Variants in UNC13C observed in about 807,000 individuals in gnomAD.
UNC13C encodes unc-13 homolog C.
UNC13C carries 174 observed loss-of-function variants against 245.4 expected under a neutral mutation model. That is an observed-to-expected ratio of 0.71 (90% CI 0.63 to 0.80). The LOEUF (loss-of-function observed/expected upper bound fraction) is 0.80, where lower values mean the gene tolerates loss of function less well. UNC13C is among the 30% of genes least tolerant of loss of function. The probability of loss-of-function intolerance (pLI) is 0.00; values close to 1 mark genes in which losing one functional copy is unlikely to be tolerated. For synonymous variants in UNC13C, 992 were observed against 895.1 expected (o/e 1.11, Z -1.93); for missense variants, 2,829 against 2,602.9 (o/e 1.09, Z -1.89).
intron 8 of UNC13C, among the ~76,000 whole-genome samples, chr15:54,254,044 A>T (rs948909741): frequency 6.6e-6 from 1 of 152,226 alleles, no homozygotes; most frequent in Admixed American, 6.5e-5. Context: ...CTTTAGTTCT[A>T]CGTGCTTTCT....
intron 30 of UNC13C, among the ~76,000 whole-genome samples, chr15:54,601,977 C>G (rs1899459728): frequency 6.6e-6 from 1 of 152,180 alleles, no homozygotes; most frequent in African/African-American, 2.4e-5. Flanking sequence ...TTGCACTCCC[C>G]TCTTACTTCC....
downstream of UNC13C, chr15:54,629,310 G>GAA (rs900498147): frequency 1.3e-5 from 2 of 152,062 alleles, no homozygotes; most frequent in African/African-American, 4.8e-5. Flanking sequence ...GAAAAGATAA[G>GAA]AAAAAGTATC....
intron 2 of UNC13C, among the ~76,000 whole-genome samples, chr15:54,035,829 T>G (rs760547117): frequency 6.6e-6 from 1 of 152,186 alleles, no homozygotes; most frequent in African/African-American, 2.4e-5. Flanking sequence ...CAGAAAAGTT[T>G]CACAAGGTGG....
At chr15:54,306,920 T>A (rs898533623) in intron 13 of UNC13C, among the ~76,000 whole-genome samples, 1 of 152,010 alleles carries the variant, frequency 6.6e-6, no homozygotes, top group Non-Finnish European at 1.5e-5. Context: ...TCCAGGAGTC[T>A]ATCTGTAAAA....
chr15:53,939,178 TACAC>T, the UNC13C span, among the ~76,000 whole-genome samples: 19 of 151,914 alleles, frequency 1.3e-4, no homozygotes, highest in South Asian at 6.2e-4. Context: ...CCCACAGAAA[TACAC>T]ACAACCATCA....
chr15:53,950,278 T>G, the UNC13C span, among the ~76,000 whole-genome samples: 1 of 152,164 alleles, frequency 6.6e-6, no homozygotes, highest in African/African-American at 2.4e-5. Context: ...ACAATAATAG[T>G]CCCATCTTAT....
chr15:54,355,934 C>T (rs528136181), intron 17 of UNC13C, among the ~76,000 whole-genome samples: 1 of 152,214 alleles, frequency 6.6e-6, no homozygotes, highest in South Asian at 2.1e-4. Flanking sequence ...TATATGAAGA[C>T]ACGTACACAT....
At chr15:53,902,043 A>G in the UNC13C span, among the ~76,000 whole-genome samples, 1 of 148,240 alleles carries the variant, frequency 6.7e-6, no homozygotes, top group East Asian at 2.4e-4. Flanking sequence ...ATTAGTTTTC[A>G]CCTCTCCATA....
At chr15:53,952,059 G>A in the UNC13C span, among the ~76,000 whole-genome samples, 1 of 152,174 alleles carries the variant, frequency 6.6e-6, no homozygotes, top group East Asian at 1.9e-4. Flanking sequence ...GATGATGTGA[G>A]GGTTTGGGCA....
At chr15:54,077,933 C>T (rs1191047659) in intron 2 of UNC13C, among the ~76,000 whole-genome samples, 3 of 152,112 alleles carry the variant, frequency 2.0e-5, no homozygotes, top group South Asian at 2.1e-4. Context: ...AAATAGTAAA[C>T]GTAGTACCTA....
chr15:53,993,463 A>G lies in UNC13C; in HGVS notation c.-257+14536A>G, dbSNP rs77268337. Among the ~76,000 whole-genome samples, 1,228 of 152,168 alleles carry G rather than the reference A, an allele frequency of 8.1e-3. 14 individuals carry two copies. The highest frequency in any genetic ancestry group is 0.029 in the African/African-American group (1,188 of 41,518). On this transcript the variant is annotated intron_variant, in intron 1 of 32. Transcript: ENST00000260323. ...TTTTTGAAAGTTGAAGGGATGAGTG[A>G]CTTAGTCCTGAAGGGGGTATCTGTG...
At chr15:53,951,753 A>C in the UNC13C span, among the ~76,000 whole-genome samples, 8 of 152,242 alleles carry the variant, frequency 5.3e-5, no homozygotes, top group South Asian at 1.7e-3. Context: ...ATTACTTATA[A>C]TACAGCGCTG....
chr15:54,215,732 T>C (rs756056489), intron 4 of UNC13C, among the ~76,000 whole-genome samples: 1 of 151,880 alleles, frequency 6.6e-6, no homozygotes, highest in African/African-American at 2.4e-5. Context: ...TGAAATTACC[T>C]CAGTCAAGAC....
At chr15:54,490,011 G>GA (rs1392044516) in intron 19 of UNC13C, among the ~76,000 whole-genome samples, 1 of 152,164 alleles carries the variant, frequency 6.6e-6, no homozygotes, top group Non-Finnish European at 1.5e-5. Flanking sequence ...AACAGATACT[G>GA]AGCTCCCCTG....
chr15:54,452,994 G>A (rs1891264243), intron 19 of UNC13C, among the ~76,000 whole-genome samples: 1 of 152,176 alleles, frequency 6.6e-6, no homozygotes, highest in African/African-American at 2.4e-5. Flanking sequence ...GGCTGTTGGG[G>A]CCCAGGACAG....
chr15:53,991,519 A>G (rs76861769), intron 1 of UNC13C, among the ~76,000 whole-genome samples: 3,653 of 152,034 alleles, frequency 0.024, 210 homozygotes, highest in East Asian at 0.21. Flanking sequence ...CAGATTGGGT[A>G]TTTGGCAGCA....
intron 1 of UNC13C, among the ~76,000 whole-genome samples, chr15:54,011,513 T>G (rs1306279502): frequency 6.6e-6 from 1 of 152,210 alleles, no homozygotes; most frequent in Non-Finnish European, 1.5e-5. Flanking sequence ...AGCTTAACTT[T>G]CCAAAGCCTT....
At chr15:54,435,418 TC>T (rs1386239487) in intron 19 of UNC13C, among the ~76,000 whole-genome samples, 1 of 152,090 alleles carries the variant, frequency 6.6e-6, no homozygotes, top group Non-Finnish European at 1.5e-5. Context: ...TGAGTTTATG[TC>T]CTTTGCAAGG....
chr15:54,393,596 A>C (rs888296214), intron 18 of UNC13C, among the ~76,000 whole-genome samples: 1 of 147,944 alleles, frequency 6.8e-6, no homozygotes, highest in Non-Finnish European at 1.5e-5. Context: ...TTCAAAATAG[A>C]TGTGCATATT....
Sources: allele counts gnomAD v4.1 joint callset (sites outside exome capture counted in the v4.1 genomes callset), GRCh38; gene constraint gnomAD v4.1.1; transcripts MANE v1.5; gene names NCBI Gene and HGNC (gene_info 2026-07-23, HGNC 2026-07-21).